BTNL9: variants seen among roughly 807,000 people sequenced by gnomAD.
The protein encoded by BTNL9 is butyrophilin-like protein 9.
In BTNL9, 45 loss-of-function variants were observed where a neutral mutation model predicts 45.8. The observed-to-expected ratio is 0.98, with a 90% CI of 0.77 to 1.26. The LOEUF (loss-of-function observed/expected upper bound fraction) is 1.26. BTNL9 is among the 50% of genes most tolerant of loss of function. The pLI is 0.00. For missense variants in BTNL9, 784 were observed against 729.7 expected (o/e 1.07, Z -0.86); for synonymous variants, 346 against 330.8 (o/e 1.05, Z -0.50).
intron 3 of BTNL9, among the ~76,000 whole-genome samples, chr5:181,049,493 G>A (rs1761417221): frequency 6.6e-6 from 1 of 152,186 alleles, no homozygotes; most frequent in African/African-American, 2.4e-5. Context: ...TAAGAAAGAA[G>A]GAGAAACATT....
In BTNL9 at chr5:181,055,630, G is replaced by A. The variant is rs1006135068; in HGVS notation, c.928+177G>A. The A allele has an allele frequency of 2.1e-5, 16 of 751,300 alleles. No individual in the cohort carries two copies. Among genetic ancestry groups the A allele is most frequent in the East Asian group, 8.0e-5 (3 of 37,402 alleles). The allele number at this position is 751,300 out of a possible 1,614,324, so 46.5% of individuals were successfully genotyped here. The stretch of plus-strand genomic sequence containing the variant: ...TAAAAATACAAAAAATTAGCCCGGC[G>A]TGGCGGCATGTGCCTGTAGTCCCAG... On this transcript the variant is annotated intron_variant, in intron 8 of 10. Transcript: ENST00000327705. The surrounding 1 kb of genome is among the most constrained non-coding windows in gnomAD (Gnocchi z 4.4).
intron 9 of BTNL9, chr5:181,057,021 TG>T (rs1753747688): frequency 6.3e-6 from 1 of 158,184 alleles, no homozygotes; most frequent in African/African-American, 2.4e-5. Flanking sequence ...TGTGTGTGTG[TG>T]TGTGTGTGTG....
chr5:181,057,400 C>G (rs1255616880), intron 9 of BTNL9, among the ~76,000 whole-genome samples: 1 of 152,172 alleles, frequency 6.6e-6, no homozygotes, highest in Admixed American at 6.5e-5. Context: ...GTTGGGCTTA[C>G]CAACGCCATT....
In BTNL9 at chr5:181,048,039, G is replaced by T; in HGVS notation, c.222G>T (p.Trp74Cys). The change falls in exon 3 of 11, where the codon TGG (tryptophan) becomes TGT (cysteine). Residue 74 changes from tryptophan (W) to cysteine (C), a missense_variant. By Grantham distance (215) the Trp-to-Cys change is radical. Coordinates refer to ENST00000327705, the MANE Select transcript of BTNL9 (RefSeq NM_152547.5). ...ATGCCCAGCAAATGGAGATCCGCTG[G>T]TTCCGGAGTCAGACCTTCAATGTGG... ...QLDAQQMEIR[W>C]FRSQTFNVVH... is the part of the protein sequence containing the mutation. 1 of 1,613,784 alleles carries T rather than the reference G, an allele frequency of 6.2e-7. No homozygotes were observed.
rs1582157014 is a variant in BTNL9, at chr5:181,060,009, A to G, written c.*147A>G. 6 of 707,648 alleles carry G rather than the reference A, an allele frequency of 8.5e-6. No homozygotes were observed. The East Asian group carries it at 1.6e-4, about 19-fold the overall frequency. 43.8% of individuals were successfully genotyped at this position (707,648 alleles called of 1,614,324 possible). The stretch of plus-strand genomic sequence containing the variant: ...AAGAGAGGGACCTTTGCCTACGTAG[A>G]TGTGTATGTGTAGTGCGATTTTCTT... On this transcript the variant is annotated 3_prime_UTR_variant, in exon 11 of 11. Coordinates refer to ENST00000327705, the MANE Select transcript of BTNL9 (RefSeq NM_152547.5).
At chr5:181,052,763 G>T (rs915728247) in intron 4 of BTNL9, 1 of 152,160 alleles carries the variant, frequency 6.6e-6, no homozygotes, top group Non-Finnish European at 1.5e-5. Context: ...CCAAAAGCGT[G>T]GTAAGAACCG....
chr5:181,042,057 CAGG>C lies in BTNL9; in HGVS notation c.-24+1631_-24+1633del, dbSNP rs1316026187. Among the ~76,000 whole-genome samples the C allele has an allele frequency of 6.6e-6, 1 of 151,988 alleles. No homozygotes were observed. Among genetic ancestry groups the C allele is most frequent in the East Asian group, 1.9e-4 (1 of 5,186 alleles). On this transcript the variant is annotated intron_variant, in intron 1 of 10. Transcript: ENST00000327705. The surrounding 1 kb of genome is among the most constrained non-coding windows in gnomAD (Gnocchi z 4.5). ...CAGGGTTGTTTAGGAATTGCAGGTG[CAGG>C]AGGAGAGAACAGGAGTGGGGCGGGC... is the stretch of plus-strand genomic sequence containing the variant.
chr5:181,053,630 G>C lies in BTNL9; in HGVS notation c.886+129G>C, dbSNP rs1761707642. Reference sequence around the variant, plus strand: ...TGTCAGGGCGGCCACCGGGGAACGGGGATCGGTGACCCCGGTGGGGAAGGG... The same window carrying C: ...TGTCAGGGCGGCCACCGGGGAACGGCGATCGGTGACCCCGGTGGGGAAGGG... On this transcript the variant is annotated intron_variant, in intron 6 of 10. Transcript: ENST00000327705. The surrounding 1 kb of genome is among the most constrained non-coding windows in gnomAD (Gnocchi z 6.5). 2.6e-6 allele frequency: 4 copies of C among 1,544,886 alleles called. No individual in the cohort carries two copies. In the South Asian group the frequency reaches 3.6e-5, roughly 14 times the overall value.
At chr5:181,043,599 A>G (rs1341166094) in intron 1 of BTNL9, 1 of 152,304 alleles carries the variant, frequency 6.6e-6, no homozygotes, top group Non-Finnish European at 1.5e-5. Context: ...ACCCATCTGA[A>G]TGGATGCATA....
At chr5:181,058,484 G>C (rs1460578533) in intron 10 of BTNL9, 106 bp downstream of exon 10, 70 of 1,456,650 alleles carry the variant, frequency 4.8e-5, no homozygotes, top group Non-Finnish European at 6.1e-5. Flanking sequence ...TAGGAGCCAA[G>C]TATGGGGCCT....
chr5:181,054,400 G>C, intron 7 of BTNL9, 141 bp downstream of exon 7: 1 of 1,504,122 alleles, frequency 6.6e-7, no homozygotes, highest in Non-Finnish European at 8.8e-7. Flanking sequence ...CTCTTCCCTT[G>C]CTAAGGGGCT....
intron 1 of BTNL9, among the ~76,000 whole-genome samples, chr5:181,044,104 C>T (rs537872865): frequency 6.6e-6 from 1 of 152,312 alleles, no homozygotes; most frequent in South Asian, 2.1e-4. Context: ...CCTCACAGGC[C>T]ACCCCTCTTC....
At chr5:181,046,467 C>T (rs890244274) in intron 2 of BTNL9, among the ~76,000 whole-genome samples, 2 of 152,128 alleles carry the variant, frequency 1.3e-5, no homozygotes, top group East Asian at 3.9e-4. Context: ...TAATTTTACC[C>T]CTTGCAAATC....
rs1182578994 is a variant in BTNL9 at position 181,060,165 on chromosome 5, A to C, written c.*303A>C. ...TGGGCAAGAAGCCAGCATGGAAGAA[A>C]GAAGGGAGAAAACTTTGGTGACTGC... On this transcript the variant is annotated 3_prime_UTR_variant, in exon 11 of 11. Coordinates refer to ENST00000327705, the MANE Select transcript of BTNL9 (RefSeq NM_152547.5). The C allele has an allele frequency of 2.4e-6, 1 of 411,858 alleles. No individual in the cohort carries two copies. The highest frequency in any genetic ancestry group is 4.3e-6 in the Non-Finnish European group (1 of 233,290). 25.5% of individuals were successfully genotyped at this position (411,858 alleles called of 1,614,324 possible). A position where few individuals can be genotyped will look rare whatever the true frequency, so the allele number is the denominator to read the frequency against.
At position 181,050,072 on chromosome 5, in the gene BTNL9, C is replaced by T. The variant is rs1322110681; in HGVS notation, c.455-16C>T. ...AGAAGAAGCCTGACCTTTCCCACTC[C>T]TCCTGCCTCCACCAGGGCTGGGCTC... On this transcript the variant is annotated splice_polypyrimidine_tract_variant and intron_variant, in intron 3 of 10. Transcript: ENST00000327705. The surrounding 1 kb of genome is among the most constrained non-coding windows in gnomAD (Gnocchi z 4.9). The T allele has an allele frequency of 3.1e-6, 5 of 1,609,132 alleles. No homozygotes were observed. In the African/African-American group the frequency reaches 5.3e-5, roughly 17 times the overall value.
At chr5:181,052,176 CA>C (rs1361952669) in intron 4 of BTNL9, among the ~76,000 whole-genome samples, 1 of 152,156 alleles carries the variant, frequency 6.6e-6, no homozygotes, top group Non-Finnish European at 1.5e-5. Flanking sequence ...GCTAGAAAAA[CA>C]AAATTAAAAA....
chr5:181,059,995 C>G lies in BTNL9; in HGVS notation c.*133C>G. 1 of 809,910 alleles carries G rather than the reference C, an allele frequency of 1.2e-6. No individual in the cohort carries two copies. The highest frequency in any genetic ancestry group is 1.7e-5 in the African/African-American group (1 of 57,650). 50.2% of individuals were successfully genotyped at this position (809,910 alleles called of 1,614,324 possible). ...CAGCGAGGGGGACAAAGAGAGGGACCTTTGCCTACGTAGATGTGTATGTGT... is the reference window on the plus strand; with the variant it reads ...CAGCGAGGGGGACAAAGAGAGGGACGTTTGCCTACGTAGATGTGTATGTGT... On this transcript the variant is annotated 3_prime_UTR_variant, in exon 11 of 11. Coordinates refer to ENST00000327705, the MANE Select transcript of BTNL9 (RefSeq NM_152547.5).
intron 4 of BTNL9, among the ~76,000 whole-genome samples, chr5:181,052,244 T>A (rs1267313450): frequency 6.6e-6 from 1 of 152,190 alleles, no homozygotes; most frequent in African/African-American, 2.4e-5. Flanking sequence ...GCCGTCTGAT[T>A]CCACGGATGT....
Position 181,053,872 on chromosome 5 carries a change from C to T in BTNL9, c.887-367C>T. 1 of 1,505,688 alleles carries T rather than the reference C, an allele frequency of 6.6e-7. No individual in the cohort carries two copies. The highest frequency in any genetic ancestry group is 1.2e-5 in the South Asian group (1 of 82,918). 93.3% of individuals were successfully genotyped at this position (1,505,688 alleles called of 1,614,324 possible). ...AGGGAGTCGGGCGGATGCGCAACATCTCCGCACAGGGTCAGGAAGCGGCGG... is the reference window on the plus strand; with the variant it reads ...AGGGAGTCGGGCGGATGCGCAACATTTCCGCACAGGGTCAGGAAGCGGCGG... On this transcript the variant is annotated intron_variant, in intron 6 of 10. Coordinates refer to ENST00000327705, the MANE Select transcript of BTNL9 (RefSeq NM_152547.5). This position sits in a 1 kb window ranked among gnomAD's most constrained non-coding sequence, Gnocchi z 6.5.
Sources: gnomAD v4.1 joint callset for allele counts (sites outside exome capture counted in the v4.1 genomes callset) on GRCh38, gnomAD v4.1.1 for gene constraint, Gnocchi (gnomAD v3.1) non-coding constraint, MANE v1.5 for transcripts, NCBI Gene and HGNC (gene_info 2026-07-23, HGNC 2026-07-21) for gene names.